The following HDAC9 variants were observed in gnomAD, a reference collection of about 807,000 sequenced individuals.
The protein encoded by HDAC9 is histone deacetylase 9, also known as MEF-2 interacting transcription repressor (MITR) protein.
HDAC9 carries 41 observed loss-of-function variants against 139.4 expected under a neutral mutation model. The ratio of observed to expected loss-of-function variants is 0.29; its 90% CI spans 0.23 to 0.38. The LOEUF (loss-of-function observed/expected upper bound fraction) is 0.38, where lower values mean the gene tolerates loss of function less well. Among genes scored for constraint, HDAC9 ranks in the 10% least tolerant of loss-of-function variants. The probability of loss-of-function intolerance (pLI) is 1.00; values close to 1 mark genes in which losing one functional copy is unlikely to be tolerated. For missense variants in HDAC9, 1,147 were observed against 1,297.0 expected (o/e 0.88, Z 1.78); for synonymous variants, 517 against 476.2 (o/e 1.09, Z -1.12).
chr7:18,393,898 G>T (rs755867571), intron 1 of HDAC9, among the ~76,000 whole-genome samples: 6 of 152,190 alleles, frequency 3.9e-5, no homozygotes, highest in African/African-American at 1.4e-4. Flanking sequence ...AGTGAATTGC[G>T]TGTGGGGAAG....
intron 11 of HDAC9, among the ~76,000 whole-genome samples, chr7:18,649,844 T>A (rs932280256): frequency 2.0e-5 from 3 of 152,104 alleles, no homozygotes; most frequent in Admixed American, 2.0e-4. Flanking sequence ...AGCCCTTCGC[T>A]ACTCTCAAAG....
At chr7:18,301,268 A>G (rs905928886) in intron 1 of HDAC9, among the ~76,000 whole-genome samples, 2 of 152,154 alleles carry the variant, frequency 1.3e-5, no homozygotes, top group African/African-American at 2.4e-5. Flanking sequence ...ATCAGAAGCT[A>G]TTGACTAAGT....
In HDAC9 at chr7:18,997,331, C is replaced by G. The variant is rs1223769209; in HGVS notation, c.*1269C>G. The G allele has an allele frequency of 2.0e-5, 3 of 151,380 alleles. No individual in the cohort carries two copies. Among genetic ancestry groups the G allele is most frequent in the African/African-American group, 7.3e-5 (3 of 41,282 alleles). The allele number at this position is 151,380 out of a possible 1,614,324, so 9.4% of individuals were successfully genotyped here. On this transcript the variant is annotated 3_prime_UTR_variant, in exon 26 of 26. Transcript: ENST00000686413. ...AAAAAAAACAAAAACAAAAAACAGC[C>G]TTTAAACAAGTTTCCTTAGTGTCAA...
intron 22 of HDAC9, among the ~76,000 whole-genome samples, chr7:18,922,026 A>G (rs1803787026): frequency 6.9e-6 from 1 of 144,850 alleles, no homozygotes; most frequent in African/African-American, 2.5e-5. Flanking sequence ...GGAACTGCAT[A>G]ATGAGAACAC....
intron 24 of HDAC9, among the ~76,000 whole-genome samples, chr7:18,968,093 C>T (rs1383896182): frequency 1.3e-5 from 2 of 151,892 alleles, no homozygotes; most frequent in African/African-American, 4.8e-5. Flanking sequence ...ACCCGGGAGG[C>T]GGAGGATGCA....
chr7:18,534,679 T>C (rs1390445148), intron 2 of HDAC9, among the ~76,000 whole-genome samples: 2 of 152,170 alleles, frequency 1.3e-5, no homozygotes, highest in African/African-American at 4.8e-5. Flanking sequence ...ACGTGCTTGT[T>C]TGCCAGAGCT....
chr7:18,466,309 G>C (rs896664946), intron 1 of HDAC9, among the ~76,000 whole-genome samples: 94 of 152,224 alleles, frequency 6.2e-4, no homozygotes, highest in African/African-American at 2.0e-3. Context: ...CCATCCTCCT[G>C]CCTCAGTCTC....
chr7:18,089,500 G>A (rs1324223326), intron 1 of HDAC9, among the ~76,000 whole-genome samples: 2 of 151,830 alleles, frequency 1.3e-5, no homozygotes, highest in African/African-American at 4.8e-5. Context: ...ATATATTTAA[G>A]ATATAGATGA....
chr7:18,117,885 G>C (rs546638758), intron 1 of HDAC9, among the ~76,000 whole-genome samples: 14 of 152,286 alleles, frequency 9.2e-5, no homozygotes, highest in African/African-American at 3.4e-4. Flanking sequence ...CAGCAGCAGT[G>C]GTAGTGCTCC....
intron 23 of HDAC9, among the ~76,000 whole-genome samples, chr7:18,940,812 G>T (rs1310222490): frequency 6.6e-6 from 1 of 152,034 alleles, no homozygotes; most frequent in Non-Finnish European, 1.5e-5. Context: ...TTTCCCAAGA[G>T]GTGAGAAAAG....
At chr7:18,741,487 G>C (rs1787449008) in intron 13 of HDAC9, among the ~76,000 whole-genome samples, 2 of 152,036 alleles carry the variant, frequency 1.3e-5, no homozygotes, top group South Asian at 4.2e-4. Context: ...TACTGCTCAG[G>C]GGGGAAAAAA....
At chr7:18,747,659 G>A (rs901525930) in intron 13 of HDAC9, among the ~76,000 whole-genome samples, 2 of 152,182 alleles carry the variant, frequency 1.3e-5, no homozygotes, top group Admixed American at 1.3e-4. Context: ...AGGGAGGTCA[G>A]TCCTGAGGAT....
intron 2 of HDAC9, among the ~76,000 whole-genome samples, chr7:18,563,046 C>T (rs1404575402): frequency 6.6e-6 from 1 of 151,910 alleles, no homozygotes; most frequent in Admixed American, 6.6e-5. Flanking sequence ...GTTGTATTTA[C>T]TGATCAAATT....
chr7:18,265,443 A>G (rs1428476170), intron 2 of HDAC9, among the ~76,000 whole-genome samples: 1 of 152,158 alleles, frequency 6.6e-6, no homozygotes, highest in Non-Finnish European at 1.5e-5. Flanking sequence ...CATATTGTAT[A>G]GTTTTGTTCT....
At chr7:18,507,858 T>C (rs1203723455) in intron 2 of HDAC9, among the ~76,000 whole-genome samples, 2 of 152,238 alleles carry the variant, frequency 1.3e-5, no homozygotes, top group Non-Finnish European at 2.9e-5. Context: ...AATTGAAATG[T>C]ATCTTAAAAG....
At chr7:18,823,522 G>C (rs1291875013) in intron 17 of HDAC9, among the ~76,000 whole-genome samples, 1 of 152,126 alleles carries the variant, frequency 6.6e-6, no homozygotes, top group African/African-American at 2.4e-5. Context: ...ATGTTGGAGG[G>C]AGAAAGTGAC....
intron 1 of HDAC9, among the ~76,000 whole-genome samples, chr7:18,126,431 C>T (rs1784677602): frequency 6.6e-6 from 1 of 152,090 alleles, no homozygotes; most frequent in South Asian, 2.1e-4. Flanking sequence ...TGAGCCTTAT[C>T]CTTTCCTGCA....
At chr7:18,248,559 A>G (rs1038779836) in intron 2 of HDAC9, among the ~76,000 whole-genome samples, 6 of 152,338 alleles carry the variant, frequency 3.9e-5, no homozygotes, top group Non-Finnish European at 7.3e-5. Flanking sequence ...ACATTGGTTC[A>G]TGTCTCATTC....
chr7:18,263,771 G>A (rs1331789017), intron 2 of HDAC9, among the ~76,000 whole-genome samples: 2 of 151,884 alleles, frequency 1.3e-5, no homozygotes, highest in Non-Finnish European at 1.5e-5. Flanking sequence ...ATCACACCTG[G>A]CTAATTTTTG....
Sources: allele counts gnomAD v4.1 joint callset (sites outside exome capture counted in the v4.1 genomes callset), GRCh38; gene constraint gnomAD v4.1.1; transcripts MANE v1.5; gene names NCBI Gene and HGNC (gene_info 2026-07-23, HGNC 2026-07-21).